The following ITGA6 variants were observed in gnomAD, a reference collection of about 807,000 sequenced individuals.
The protein encoded by ITGA6 is integrin subunit alpha 6, also known as integrin alpha-6.
A neutral mutation model predicts 133.6 loss-of-function variants in ITGA6; 63 were observed. The ratio of observed to expected loss-of-function variants is 0.47; its 90% CI spans 0.38 to 0.58. The LOEUF is 0.58. ITGA6 is among the 20% of genes least tolerant of loss of function. ITGA6 has a pLI of 0.00. For synonymous variants in ITGA6, 434 were observed against 482.0 expected, an observed-to-expected ratio of 0.90 and a Z score of 1.30; for missense variants, 1,068 against 1,309.4, an observed-to-expected ratio of 0.82 and a Z score of 2.85.
Position 172,471,360 on chromosome 2 carries a change from C to T in ITGA6, c.775+255C>T, listed in dbSNP as rs560169983. Among the ~76,000 whole-genome samples, 9 of 152,294 alleles carry T rather than the reference C, an allele frequency of 5.9e-5. No individual in the cohort carries two copies. In the East Asian group the frequency reaches 1.7e-3, roughly 29 times the overall value. Reference sequence around the variant, plus strand: ...TATCACCTAAAATCATCCGTCCTCCCTCCTGCTCAGAAGTCTGTCTCTTGA... The same window carrying T: ...TATCACCTAAAATCATCCGTCCTCCTTCCTGCTCAGAAGTCTGTCTCTTGA... On this transcript the variant is annotated intron_variant, in intron 5 of 25. Transcript: ENST00000684293.
intron 11 of ITGA6, 56 bp downstream of exon 11, chr2:172,480,107 T>C (rs578058100): frequency 3.0e-5 from 30 of 1,009,840 alleles, no homozygotes; most frequent in Non-Finnish European, 4.6e-5. Flanking sequence ...GGTTGAAAGT[T>C]CTGCATAAAT....
rs1264796038 is a variant in ITGA6, at chr2:172,476,569, ATGT to A, written c.1388+59_1388+61del. Reference sequence around the variant, plus strand: ...TGTTCTATAATCAGGTTATACTAAAATGTTGACCTTTTGGACTGAAATTTGTCA... The same window carrying A: ...TGTTCTATAATCAGGTTATACTAAAATGACCTTTTGGACTGAAATTTGTCA... On this transcript the variant is annotated intron_variant, in intron 9 of 25. Transcript: ENST00000684293. 1.4e-5 allele frequency: 15 copies of A among 1,041,280 alleles called. No homozygotes were observed. In the East Asian group the frequency reaches 3.1e-4, roughly 21 times the overall value. The allele number at this position is 1,041,280 out of a possible 1,614,324, so 64.5% of individuals were successfully genotyped here.
chr2:172,427,617 G>C lies in ITGA6; in HGVS notation c.-172G>C. 1 of 1,279,672 alleles carries C rather than the reference G, an allele frequency of 7.8e-7. No homozygotes were observed. Among genetic ancestry groups the C allele is most frequent in the Non-Finnish European group, 9.8e-7 (1 of 1,016,574 alleles). 79.3% of individuals were successfully genotyped at this position (1,279,672 alleles called of 1,614,324 possible). ...CTCATTCAGCGGTCGCGAGCTGCCC[G>C]CGAGGGGGAGCGGCCGGACGGAGAG... is the stretch of plus-strand genomic sequence containing the variant. On this transcript the variant is annotated 5_prime_UTR_variant, in exon 1 of 26. Coordinates refer to ENST00000684293, the MANE Select transcript of ITGA6 (RefSeq NM_000210.4).
In ITGA6 at chr2:172,469,396, T is replaced by C; in HGVS notation, c.643+16T>C. ...AACTGGAAAGGTATGACCTTTGTATTTATAGAAATAGAGATTAGTTCCCCT... is the reference window on the plus strand; with the variant it reads ...AACTGGAAAGGTATGACCTTTGTATCTATAGAAATAGAGATTAGTTCCCCT... On this transcript the variant is annotated intron_variant, in intron 4 of 25. Coordinates refer to ENST00000684293, the MANE Select transcript of ITGA6 (RefSeq NM_000210.4). 6.2e-7 allele frequency: 1 copy of C among 1,611,024 alleles called. No homozygotes were observed. The highest frequency in any genetic ancestry group is 8.5e-7 in the Non-Finnish European group (1 of 1,177,248).
At chr2:172,457,058 T>C (rs1685237408) in intron 1 of ITGA6, among the ~76,000 whole-genome samples, 1 of 151,338 alleles carries the variant, frequency 6.6e-6, no homozygotes, top group Non-Finnish European at 1.5e-5. Flanking sequence ...CTTTGGGAGG[T>C]TGAGTTGGGG....
At position 172,504,198 on chromosome 2, in the gene ITGA6, C is replaced by A. The variant is rs1188900430; in HGVS notation, c.*130C>A. The A allele has an allele frequency of 6.3e-7, 1 of 1,587,040 alleles. No individual in the cohort carries two copies. ...TCAAAGATGAAAAGTATATTGATAACCTTGAAAAAAAACAGTGGATCACAA... is the reference window on the plus strand; with the variant it reads ...TCAAAGATGAAAAGTATATTGATAAACTTGAAAAAAAACAGTGGATCACAA... On this transcript the variant is annotated 3_prime_UTR_variant, in exon 26 of 26. Coordinates refer to ENST00000684293, the MANE Select transcript of ITGA6 (RefSeq NM_000210.4).
intron 1 of ITGA6, chr2:172,464,580 G>C (rs1685569090): frequency 6.6e-6 from 1 of 152,178 alleles, no homozygotes; most frequent in Non-Finnish European, 1.5e-5. Context: ...TAAACCTGAT[G>C]GTGAGTAAAG....
chr2:172,494,401 G>T (rs538877633), intron 23 of ITGA6, among the ~76,000 whole-genome samples: 1 of 152,226 alleles, frequency 6.6e-6, no homozygotes, highest in African/African-American at 2.4e-5. Context: ...CCAGCTACCT[G>T]GGAGGCTGAG....
At chr2:172,486,022 C>G (rs1234851864) in intron 13 of ITGA6, among the ~76,000 whole-genome samples, 1 of 151,938 alleles carries the variant, frequency 6.6e-6, no homozygotes, top group African/African-American at 2.4e-5. Flanking sequence ...AGTGAAAATA[C>G]AAAAGTTAGC....
At chr2:172,499,042 G>A (rs1687243462) in intron 24 of ITGA6, among the ~76,000 whole-genome samples, 1 of 152,138 alleles carries the variant, frequency 6.6e-6, no homozygotes. Flanking sequence ...GGTCTGGAGG[G>A]TTCTGTATGA....
chr2:172,504,056 T>C (rs776455908), intron 25 of ITGA6, 35 bp from the exon 26 acceptor site: 1 of 1,515,998 alleles, frequency 6.6e-7, no homozygotes. Flanking sequence ...TTTGTGAGAT[T>C]AATTTGTTTC....
chr2:172,479,906 G>A, intron 10 of ITGA6, 84 bp from the exon 11 acceptor site: 1 of 1,064,766 alleles, frequency 9.4e-7, no homozygotes, highest in Non-Finnish European at 1.5e-6. Context: ...GGGCATTGGG[G>A]GGATTGGAGA....
At chr2:172,503,987 C>A in intron 25 of ITGA6, 104 bp from the exon 26 acceptor site, 1 of 824,074 alleles carries the variant, frequency 1.2e-6, no homozygotes, top group Non-Finnish European at 1.8e-6. Context: ...TCCCCTTAGT[C>A]CAGAGGTAGA....
intron 24 of ITGA6, among the ~76,000 whole-genome samples, chr2:172,498,705 C>T (rs180676844): frequency 6.6e-6 from 1 of 152,122 alleles, no homozygotes; most frequent in Non-Finnish European, 1.5e-5. Flanking sequence ...AGTAAAGAGT[C>T]TACATTATGA....
chr2:172,452,908 T>C lies in ITGA6; in HGVS notation c.183-12631T>C, dbSNP rs568707575. Among the ~76,000 whole-genome samples, 5 of 152,290 alleles carry C rather than the reference T, an allele frequency of 3.3e-5. No homozygotes were observed. The South Asian group carries it at 1.0e-3, about 32-fold the overall frequency. ...GGCTAAGCTGTTAGTAAGCATTTGA[T>C]TTTGAGAGCCCTCTTTCCTTTGCAG... On this transcript the variant is annotated intron_variant, in intron 1 of 25. Coordinates refer to ENST00000684293, the MANE Select transcript of ITGA6 (RefSeq NM_000210.4).
At chr2:172,476,010 A>G (rs954070440) in intron 8 of ITGA6, among the ~76,000 whole-genome samples, 1 of 152,206 alleles carries the variant, frequency 6.6e-6, no homozygotes, top group Non-Finnish European at 1.5e-5. Context: ...TAGAGATGAA[A>G]TTGGTCAAAC....
intron 6 of ITGA6, among the ~76,000 whole-genome samples, chr2:172,474,640 A>G (rs1263693607): frequency 6.6e-6 from 1 of 152,214 alleles, no homozygotes; most frequent in African/African-American, 2.4e-5. Flanking sequence ...AAAAACAGAT[A>G]TGTGGCTGTT....
chr2:172,480,103 A>C (rs1559143809), intron 11 of ITGA6, 52 bp downstream of exon 11: 1 of 1,051,040 alleles, frequency 9.5e-7, no homozygotes, highest in East Asian at 2.4e-5. Flanking sequence ...GCCAGGTTGA[A>C]AGTTCTGCAT....
rs1358033208 is a variant in ITGA6, at chr2:172,488,147, G to A, written c.2424G>A (p.Val808=). The change falls in exon 19 of 26, where the codon GTG becomes GTA. Residue 808 remains valine, a synonymous_variant. Transcript: ENST00000684293. ...ACAGAGTTGCTAAACCTTCCCAGGT[G>A]TATTTTGGAGGTACAGTTGTTGGCG... ...SVSGVAKPSQ[V]YFGGTVVGEQ... 1.9e-6 allele frequency: 3 copies of A among 1,614,018 alleles called. No individual in the cohort carries two copies. The highest frequency in any genetic ancestry group is 1.7e-5 in the Admixed American group (1 of 60,016).
Sources: allele counts gnomAD v4.1 joint callset (sites outside exome capture counted in the v4.1 genomes callset), GRCh38; gene constraint gnomAD v4.1.1; transcripts MANE v1.5; gene names NCBI Gene and HGNC (gene_info 2026-07-23, HGNC 2026-07-21).